ACTR3C: variants seen among roughly 807,000 people sequenced by gnomAD.
The protein encoded by ACTR3C is actin-related protein 3C.
ACTR3C carries 18 observed loss-of-function variants against 26.3 expected under a neutral mutation model. That is an observed-to-expected ratio of 0.68 (90% confidence interval 0.47 to 1.01). The LOEUF (loss-of-function observed/expected upper bound fraction) is 1.01, where lower values mean the gene tolerates loss of function less well. ACTR3C is among the 50% of genes least tolerant of loss of function. ACTR3C has a pLI of 0.00. For synonymous variants in ACTR3C, 55 were observed against 94.5 expected (o/e 0.58, Z 2.42); for missense variants, 184 against 250.7 (o/e 0.73, Z 1.80).
the ACTR3C span, among the ~76,000 whole-genome samples, chr7:149,971,252 G>A: frequency 6.6e-6 from 1 of 152,288 alleles, no homozygotes; most frequent in African/African-American, 2.4e-5. Flanking sequence ...CCATCACACC[G>A]AATGTGCACC....
chr7:150,091,987 CAAAAAAAAAA>C, the ACTR3C span, among the ~76,000 whole-genome samples: 19 of 19,386 alleles, frequency 9.8e-4, no homozygotes, highest in South Asian at 8.1e-3. Flanking sequence ...GACTCCGTCT[CAAAAAAAAAA>C]AAAAAAAAAA....
intron 1 of ACTR3C, among the ~76,000 whole-genome samples, chr7:150,305,232 A>G (rs1453947609): frequency 6.6e-6 from 1 of 152,180 alleles, no homozygotes; most frequent in Non-Finnish European, 1.5e-5. Context: ...GCCCTTCCTG[A>G]AGGATTTTCA....
intron 1 of ACTR3C, chr7:150,302,735 T>C (rs920569113): frequency 1.3e-5 from 2 of 152,116 alleles, no homozygotes; most frequent in African/African-American, 4.8e-5. Flanking sequence ...GGAAATGATC[T>C]CTATGTGAAG....
chr7:150,289,305 C>T, intron 4 of ACTR3C, 145 bp downstream of exon 4: 1 of 1,372,908 alleles, frequency 7.3e-7, no homozygotes, highest in Non-Finnish European at 9.6e-7. Flanking sequence ...CTTCAGCCCA[C>T]TTAAGGGGTA....
At chr7:150,039,700 G>GT in the ACTR3C span, among the ~76,000 whole-genome samples, 6 of 148,370 alleles carry the variant, frequency 4.0e-5, no homozygotes, top group Non-Finnish European at 7.5e-5. Context: ...CTAAGCCGGG[G>GT]GGGAAGAGGG....
chr7:150,154,217 G>C, the ACTR3C span, among the ~76,000 whole-genome samples: 1 of 151,792 alleles, frequency 6.6e-6, no homozygotes, highest in Non-Finnish European at 1.5e-5. Flanking sequence ...AAAACTTAAA[G>C]TATAATAATA....
At chr7:150,277,566 A>C (rs1213819112) in intron 6 of ACTR3C, among the ~76,000 whole-genome samples, 1 of 152,000 alleles carries the variant, frequency 6.6e-6, no homozygotes, top group East Asian at 1.9e-4. Flanking sequence ...CAACCTACAA[A>C]TGCAACTCAA....
the ACTR3C span, among the ~76,000 whole-genome samples, chr7:150,078,301 T>G: frequency 1.4e-5 from 2 of 146,110 alleles, no homozygotes; most frequent in Non-Finnish European, 3.0e-5. Flanking sequence ...ATAAACCGTC[T>G]ATCTGTTGCT....
At chr7:150,147,654 C>G in the ACTR3C span, among the ~76,000 whole-genome samples, 4 of 152,102 alleles carry the variant, frequency 2.6e-5, no homozygotes, top group African/African-American at 9.7e-5. Flanking sequence ...CCACATTTGG[C>G]ATCTCTGAAA....
the ACTR3C span, among the ~76,000 whole-genome samples, chr7:150,042,761 A>C: frequency 4.0e-4 from 61 of 151,304 alleles, no homozygotes; most frequent in Middle Eastern, 0.024. Context: ...CATCCTTTAG[A>C]AACCTGTCTA....
the ACTR3C span, among the ~76,000 whole-genome samples, chr7:150,127,429 G>C: frequency 6.6e-6 from 1 of 152,098 alleles, no homozygotes; most frequent in Admixed American, 6.6e-5. Flanking sequence ...CTGAATGTTT[G>C]AAAAGAATTG....
chr7:150,319,830 C>T (rs890163082), intron 1 of ACTR3C, among the ~76,000 whole-genome samples: 2 of 152,130 alleles, frequency 1.3e-5, no homozygotes, highest in African/African-American at 4.8e-5. Flanking sequence ...AACAGGGATG[C>T]TGTATCTGGA....
the ACTR3C span, among the ~76,000 whole-genome samples, chr7:150,154,218 TATA>T: frequency 6.6e-6 from 1 of 151,928 alleles, no homozygotes; most frequent in East Asian, 1.9e-4. Context: ...AAACTTAAAG[TATA>T]ATAATAATAA....
the ACTR3C span, among the ~76,000 whole-genome samples, chr7:150,132,352 C>T: frequency 3.3e-5 from 5 of 152,238 alleles, no homozygotes; most frequent in African/African-American, 9.6e-5. Context: ...TAAAAATGTC[C>T]ATTTTTCACA....
At chr7:150,300,015 G>A (rs1795300783) in intron 1 of ACTR3C, among the ~76,000 whole-genome samples, 1 of 151,806 alleles carries the variant, frequency 6.6e-6, no homozygotes, top group South Asian at 2.1e-4. Context: ...AAAAATCCAA[G>A]GTGTGCAACA....
the ACTR3C span, among the ~76,000 whole-genome samples, chr7:150,128,180 G>A: frequency 0.02 from 1,918 of 95,868 alleles, no homozygotes; most frequent in Middle Eastern, 0.024. Flanking sequence ...ACATGTCCAC[G>A]GGCACTTCCC....
At chr7:150,320,303 T>A (rs1797370102) in intron 1 of ACTR3C, among the ~76,000 whole-genome samples, 2 of 152,252 alleles carry the variant, frequency 1.3e-5, no homozygotes, top group South Asian at 4.1e-4. Context: ...AATGTAATGC[T>A]TGTTTGTGTA....
chr7:150,264,833 A>G, intron 6 of ACTR3C: 1 of 982,388 alleles, frequency 1.0e-6, no homozygotes, highest in Non-Finnish European at 1.2e-6. Flanking sequence ...GAAGTAGATA[A>G]TCTGTATCTG....
chr7:150,312,161 A>G (rs893640959), intron 1 of ACTR3C, among the ~76,000 whole-genome samples: 5 of 152,178 alleles, frequency 3.3e-5, no homozygotes, highest in Non-Finnish European at 7.4e-5. Context: ...CCCCCACTCC[A>G]GAAGGCCAGT....
Sources: gnomAD v4.1 joint callset for allele counts (sites outside exome capture counted in the v4.1 genomes callset) on GRCh38, gnomAD v4.1.1 for gene constraint, MANE v1.5 for transcripts, NCBI Gene and HGNC (gene_info 2026-07-23, HGNC 2026-07-21) for gene names.